SLC17A2: variants seen among roughly 807,000 people sequenced by gnomAD.
SLC17A2 encodes the protein solute carrier family 17 member 2.
In SLC17A2, 38 loss-of-function variants were observed where a neutral mutation model predicts 52.1. That is an observed-to-expected ratio of 0.73 (90% confidence interval 0.56 to 0.96). The LOEUF (loss-of-function observed/expected upper bound fraction) is 0.96, where lower values mean the gene tolerates loss of function less well. Among genes scored for constraint, SLC17A2 ranks in the 40% least tolerant of loss-of-function variants. The pLI, the probability that SLC17A2 is intolerant of heterozygous loss-of-function variation, is 0.00. For synonymous variants in SLC17A2, 226 were observed against 211.9 expected, an observed-to-expected ratio of 1.07 and a Z score of -0.58; for missense variants, 508 against 583.9, an observed-to-expected ratio of 0.87 and a Z score of 1.34.
intron 8 of SLC17A2, among the ~76,000 whole-genome samples, chr6:25,916,216 G>T (rs776875344): frequency 6.6e-6 from 1 of 152,126 alleles, no homozygotes; most frequent in African/African-American, 2.4e-5. Flanking sequence ...GAATAGCTGG[G>T]ATTACAGGTG....
rs1290188616 is a variant in SLC17A2, at chr6:25,913,276, T to C, written c.*41A>G. ...AGAGAAGTAAAAAATGTTTAAAAAGTTCATGCTCAGTACCACATTTAAGTT... is the reference window on the plus strand; with the variant it reads ...AGAGAAGTAAAAAATGTTTAAAAAGCTCATGCTCAGTACCACATTTAAGTT... On this transcript the variant is annotated 3_prime_UTR_variant, in exon 12 of 12. Coordinates refer to ENST00000377850, the MANE Select transcript of SLC17A2 (RefSeq NM_001286123.3). 11 of 1,610,904 alleles carry C rather than the reference T, an allele frequency of 6.8e-6. No homozygotes were observed. Among genetic ancestry groups the C allele is most frequent in the Non-Finnish European group, 9.3e-6 (11 of 1,177,276 alleles).
chr6:25,920,212 A>G (rs570745501), intron 5 of SLC17A2, among the ~76,000 whole-genome samples: 12 of 152,330 alleles, frequency 7.9e-5, no homozygotes, highest in East Asian at 5.8e-4. Flanking sequence ...TGCAGGATGC[A>G]GCTGTGTAGT....
rs999577636 is a variant in SLC17A2, at chr6:25,913,169, T to C, written c.*148A>G. On this transcript the variant is annotated 3_prime_UTR_variant, in exon 12 of 12. Transcript: ENST00000377850. ...GAATCTCTGGAGTGGGTCCCAAGTA[T>C]CAGTGTCTTATAAAGGCTCCCCAGG... 2 of 775,680 alleles carry C rather than the reference T, an allele frequency of 2.6e-6. No homozygotes were observed. The highest frequency in any genetic ancestry group is 3.5e-5 in the African/African-American group (2 of 57,664). The allele number at this position is 775,680 out of a possible 1,614,324, so 48.0% of individuals were successfully genotyped here.
At position 25,914,624 on chromosome 6, in the gene SLC17A2, C is replaced by A. The variant is rs545778071; in HGVS notation, c.1258G>T (p.Ala420Ser). ...MGISRGFGLI[A>S]GIISSTATGF... is the part of the protein sequence containing the mutation. ...GTGGCAGTGGAAGAGATGATTCCTG[C>A]GATGAGCCCAAATCCCCTTGAGATT... Residue 420 changes from alanine (A) to serine (S), a missense_variant, in exon 11 of 12, where the codon GCA (alanine) becomes TCA (serine). Coordinates refer to ENST00000377850, the MANE Select transcript of SLC17A2 (RefSeq NM_001286123.3). The A allele has an allele frequency of 1.5e-5, 24 of 1,613,140 alleles. No homozygotes were observed. In the East Asian group the frequency reaches 4.2e-4, roughly 28 times the overall value.
At chr6:25,928,180 C>T (rs151227862) in intron 1 of SLC17A2, among the ~76,000 whole-genome samples, 7 of 152,090 alleles carry the variant, frequency 4.6e-5, no homozygotes, top group Non-Finnish European at 8.8e-5. Flanking sequence ...ACAGAGCCAG[C>T]ACCAGATCCC....
intron 6 of SLC17A2, 123 bp from the exon 7 acceptor site, chr6:25,917,210 G>T: frequency 1.4e-6 from 1 of 705,662 alleles, no homozygotes; most frequent in Non-Finnish European, 2.5e-6. Flanking sequence ...TCTACCATAA[G>T]GACCTAAATG....
rs1419431763 is a variant in SLC17A2, at chr6:25,918,550, T to C, written c.586A>G (p.Ile196Val). 1.2e-6 allele frequency: 2 copies of C among 1,613,214 alleles called. No homozygotes were observed. Among genetic ancestry groups the C allele is most frequent in the Admixed American group, 3.3e-5 (2 of 59,968 alleles). Residue 196 changes from isoleucine to valine, a missense_variant, in exon 6 of 12, where the codon ATC becomes GTC. Transcript: ENST00000377850. ...GAGATTAGTCCCCCCACACAGAGGATGATGAAGGATCCAAATGCTGACCCT... is the reference window on the plus strand; with the variant it reads ...GAGATTAGTCCCCCCACACAGAGGACGATGAAGGATCCAAATGCTGACCCT... The part of the protein sequence containing the change: ...GSGSAFGSFI[I>V]LCVGGLISQA...
Position 25,923,885 on chromosome 6 carries a change from C to T in SLC17A2, c.50G>A (p.Arg17His), listed in dbSNP as rs780039501. Residue 17 changes from arginine (R) to histidine (H), a missense_variant, in exon 3 of 12, where the codon CGC (arginine) becomes CAC (histidine). Transcript: ENST00000377850. The stretch of plus-strand genomic sequence containing the variant: ...GTGCATGATAAGAGCCAGCCCATAG[C>T]GTAATGAACAGAAATCTGGACCTAG... ...TRKGPDFCSL[R>H]YGLALIMHFS... 19 of 1,614,054 alleles carry T rather than the reference C, an allele frequency of 1.2e-5. No individual in the cohort carries two copies. Among genetic ancestry groups the T allele is most frequent in the South Asian group, 3.3e-5 (3 of 91,080 alleles).
At chr6:25,925,428 A>T (rs1581573962) in intron 2 of SLC17A2, among the ~76,000 whole-genome samples, 1 of 150,018 alleles carries the variant, frequency 6.7e-6, no homozygotes. Flanking sequence ...CAGGAGAATC[A>T]CTTGAACCCG....
intron 5 of SLC17A2, among the ~76,000 whole-genome samples, 153 bp downstream of exon 5, chr6:25,920,853 G>T (rs1436284577): frequency 2.6e-5 from 4 of 152,168 alleles, no homozygotes; most frequent in Non-Finnish European, 5.9e-5. Flanking sequence ...CTGCACAGAT[G>T]CATCTTTCCT....
intron 11 of SLC17A2, among the ~76,000 whole-genome samples, chr6:25,914,230 CT>C (rs2053412834): frequency 6.6e-6 from 1 of 152,136 alleles, no homozygotes. Flanking sequence ...TGAACATATT[CT>C]TCATGATCTT....
chr6:25,925,743 C>A (rs768700550), intron 2 of SLC17A2, 26 bp downstream of exon 2: 2 of 1,608,530 alleles, frequency 1.2e-6, no homozygotes, highest in Non-Finnish European at 1.7e-6. Context: ...ATTAACATAG[C>A]CTGCAAACAA....
At chr6:25,924,916 G>C (rs566996049) in intron 2 of SLC17A2, among the ~76,000 whole-genome samples, 3 of 152,114 alleles carry the variant, frequency 2.0e-5, no homozygotes, top group African/African-American at 7.2e-5. Context: ...TTCTTTAAAA[G>C]CATCCCCATA....
intron 7 of SLC17A2, 35 bp downstream of exon 7, chr6:25,916,934 C>T (rs983607431): frequency 6.2e-7 from 1 of 1,600,886 alleles, no homozygotes; most frequent in African/African-American, 1.3e-5. Context: ...CTAGAGACCT[C>T]TGCATGGGCC....
intron 1 of SLC17A2, among the ~76,000 whole-genome samples, chr6:25,928,082 C>A (rs1340501466): frequency 6.6e-6 from 1 of 152,114 alleles, no homozygotes; most frequent in Non-Finnish European, 1.5e-5. Flanking sequence ...CTGAAAGAGA[C>A]TCAGAGATCC....
chr6:25,929,682 T>C (rs1766883855), intron 1 of SLC17A2, among the ~76,000 whole-genome samples: 1 of 152,202 alleles, frequency 6.6e-6, no homozygotes, highest in Non-Finnish European at 1.5e-5. Flanking sequence ...GACCACAATG[T>C]CCCTGGGTGC....
At chr6:25,927,609 T>C (rs1313382056) in intron 1 of SLC17A2, among the ~76,000 whole-genome samples, 4 of 152,246 alleles carry the variant, frequency 2.6e-5, no homozygotes, top group African/African-American at 7.2e-5. Context: ...AGAGCAATAA[T>C]TGGACTTCAT....
intron 10 of SLC17A2, among the ~76,000 whole-genome samples, chr6:25,915,153 A>ATG: frequency 9.9e-6 from 1 of 101,372 alleles, no homozygotes; most frequent in Non-Finnish European, 1.9e-5. Context: ...GTGACTGTAT[A>ATG]TATATATATA....
intron 3 of SLC17A2, among the ~76,000 whole-genome samples, chr6:25,921,946 T>C (rs1008145338): frequency 1.3e-5 from 2 of 151,864 alleles, no homozygotes; most frequent in Non-Finnish European, 2.9e-5. Context: ...ATTTGAATTA[T>C]TTTAAAATAA....
Sources: allele counts gnomAD v4.1 joint callset (sites outside exome capture counted in the v4.1 genomes callset), GRCh38; gene constraint gnomAD v4.1.1; transcripts MANE v1.5; gene names NCBI Gene and HGNC (gene_info 2026-07-23, HGNC 2026-07-21).